PDZRN3: variants seen among roughly 807,000 people sequenced by gnomAD.
PDZRN3 encodes the protein PDZ domain containing ring finger 3, also known as E3 ubiquitin-protein ligase PDZRN3.
In PDZRN3, 38 loss-of-function variants were observed where a neutral mutation model predicts 85.7. That is an observed-to-expected ratio of 0.44 (90% confidence interval 0.34 to 0.58). PDZRN3 has a LOEUF of 0.58. PDZRN3 is among the 20% of genes least tolerant of loss of function. The probability of loss-of-function intolerance (pLI) is 0.01; values close to 1 mark genes in which losing one functional copy is unlikely to be tolerated. For missense variants in PDZRN3, 1,629 were observed against 1,506.4 expected (o/e 1.08, Z -1.35); for synonymous variants, 759 against 638.0 (o/e 1.19, Z -2.86).
chr3:73,383,794 C>G lies in PDZRN3; in HGVS notation c.2772G>C (p.Lys924Asn). Residue 924 changes from lysine to asparagine, a missense_variant, in exon 10 of 10, where the codon AAG becomes AAC. Physicochemically the swap from Lys to Asn is moderately conservative, Grantham distance 94 (BLOSUM62 0). Transcript: ENST00000263666. Reference sequence around the variant, plus strand: ...TGTAGCGCGTCCCGTCGCTGCGGATCTTCACCTTCCACTCCATGCGCGGCT... The same window carrying G: ...TGTAGCGCGTCCCGTCGCTGCGGATGTTCACCTTCCACTCCATGCGCGGCT... ...PSEPRMEWKV[K>N]IRSDGTRYIT... 1.2e-6 allele frequency: 2 copies of G among 1,613,692 alleles called. No individual in the cohort carries two copies. Among genetic ancestry groups the G allele is most frequent in the Non-Finnish European group, 1.7e-6 (2 of 1,180,022 alleles).
chr3:73,598,761 T>A (rs1016336272), intron 3 of PDZRN3, among the ~76,000 whole-genome samples: 1 of 151,922 alleles, frequency 6.6e-6, no homozygotes, highest in African/African-American at 2.4e-5. Flanking sequence ...ATAGGGGACA[T>A]CATGTAGGCA....
chr3:73,421,583 A>G (rs1316482298), intron 3 of PDZRN3, among the ~76,000 whole-genome samples: 1 of 152,220 alleles, frequency 6.6e-6, no homozygotes, highest in East Asian at 1.9e-4. Flanking sequence ...AAACAGGATG[A>G]ACTTCCACTT....
At chr3:73,575,700 C>T (rs1702113013) in intron 3 of PDZRN3, among the ~76,000 whole-genome samples, 1 of 152,176 alleles carries the variant, frequency 6.6e-6, no homozygotes, top group African/African-American at 2.4e-5. Context: ...TGAAGACTGG[C>T]TCTAGTCCCA....
Position 73,384,186 on chromosome 3 carries a change from C to A in PDZRN3, c.2380G>T (p.Ala794Ser), listed in dbSNP as rs150271328. Residue 794 changes from alanine (A) to serine (S), a missense_variant, in exon 10 of 10, where the codon GCT (alanine) becomes TCT (serine). Transcript: ENST00000263666. Reference sequence around the variant, plus strand: ...CCGTAGGCTTCCGTGGTCCCCACAGCCCCTTCGCTGCTCGGGCAGCTGATG... The same window carrying A: ...CCGTAGGCTTCCGTGGTCCCCACAGACCCTTCGCTGCTCGGGCAGCTGATG... ...EGISCPSSEG[A>S]VGTTEAYGPA... 5.1e-5 allele frequency: 83 copies of A among 1,613,912 alleles called. No individual in the cohort carries two copies. The highest frequency in any genetic ancestry group is 6.9e-5 in the Non-Finnish European group (81 of 1,180,054).
At chr3:73,421,716 C>T (rs1032502331) in intron 3 of PDZRN3, among the ~76,000 whole-genome samples, 10 of 152,130 alleles carry the variant, frequency 6.6e-5, no homozygotes, top group Non-Finnish European at 1.2e-4. Context: ...GGCATGATCT[C>T]GGCTCACTGC....
At position 73,624,618 on chromosome 3, in the gene PDZRN3, G is replaced by A. The variant is rs1381287475; in HGVS notation, c.208C>T (p.Pro70Ser). ...LSAKELNHVL[P>S]LKRLILKLDI... ...AGCTTGAGGATAAGGCGCTTGAGCG[G>A]CAGGACGTGGTTGAGCTCTTTGGCC... The change falls in exon 1 of 10, where the codon CCG (proline) becomes TCG (serine). Residue 70 changes from proline to serine, a missense_variant. By Grantham distance (74) the Pro-to-Ser change is moderately conservative. Coordinates refer to ENST00000263666, the MANE Select transcript of PDZRN3 (RefSeq NM_015009.3). The A allele has an allele frequency of 1.3e-6, 2 of 1,557,974 alleles. No homozygotes were observed. The highest frequency in any genetic ancestry group is 1.9e-5 in the Admixed American group (1 of 53,594).
chr3:73,393,536 A>C (rs1311890834), intron 5 of PDZRN3, among the ~76,000 whole-genome samples: 1 of 152,180 alleles, frequency 6.6e-6, no homozygotes, highest in African/African-American at 2.4e-5. Flanking sequence ...CGCGTCGCAG[A>C]TGGGGTGAGT....
chr3:73,592,627 C>T (rs1475150645), intron 3 of PDZRN3, among the ~76,000 whole-genome samples: 1 of 152,200 alleles, frequency 6.6e-6, no homozygotes, highest in Admixed American at 6.5e-5. Flanking sequence ...GAGGTCTCCA[C>T]TGAGCACTGT....
intron 3 of PDZRN3, among the ~76,000 whole-genome samples, chr3:73,578,814 G>A (rs1033694981): frequency 2.0e-5 from 3 of 152,076 alleles, no homozygotes; most frequent in South Asian, 2.1e-4. Context: ...AGCTAATGAA[G>A]TGGAAAGAGT....
At chr3:73,580,853 T>C (rs1428395367) in intron 3 of PDZRN3, among the ~76,000 whole-genome samples, 2 of 152,248 alleles carry the variant, frequency 1.3e-5, no homozygotes, top group Admixed American at 1.3e-4. Flanking sequence ...TTTGTGTTAC[T>C]GCTATTTTCC....
intron 1 of PDZRN3, among the ~76,000 whole-genome samples, chr3:73,613,399 G>T (rs1702713206): frequency 2.0e-5 from 3 of 152,104 alleles, no homozygotes; most frequent in Admixed American, 2.0e-4. Context: ...AACAGATTTT[G>T]GCTCACAACA....
At chr3:73,480,725 T>C (rs1023469960) in intron 3 of PDZRN3, among the ~76,000 whole-genome samples, 2 of 152,218 alleles carry the variant, frequency 1.3e-5, no homozygotes, top group African/African-American at 4.8e-5. Flanking sequence ...TAATTGATTC[T>C]GTATCTCTGG....
At chr3:73,428,824 C>T (rs978273422) in intron 3 of PDZRN3, among the ~76,000 whole-genome samples, 12 of 152,122 alleles carry the variant, frequency 7.9e-5, no homozygotes, top group African/African-American at 2.4e-4. Context: ...AAGTGACTTT[C>T]TCAGCCATAT....
At chr3:73,511,837 A>G (rs1454689724) in intron 3 of PDZRN3, among the ~76,000 whole-genome samples, 2 of 152,306 alleles carry the variant, frequency 1.3e-5, no homozygotes, top group East Asian at 1.9e-4. Flanking sequence ...TTAAATCACA[A>G]CGGCCCATAT....
Position 73,624,868 on chromosome 3 carries a change from C to T in PDZRN3, c.-43G>A. 1.6e-6 allele frequency: 2 copies of T among 1,262,496 alleles called. No homozygotes were observed. 78.2% of individuals were successfully genotyped at this position (1,262,496 alleles called of 1,614,324 possible). A position where few individuals can be genotyped will look rare whatever the true frequency, so the allele number is the denominator to read the frequency against. On this transcript the variant is annotated 5_prime_UTR_variant, in exon 1 of 10. Transcript: ENST00000263666. ...GGGGTCGCCGCCGGGCGGCCGGGCG[C>T]CCCCTCCCTCCCCACGAGGCGGCCC...
At chr3:73,465,382 TAGA>T (rs1703193103) in intron 3 of PDZRN3, among the ~76,000 whole-genome samples, 1 of 152,218 alleles carries the variant, frequency 6.6e-6, no homozygotes, top group South Asian at 2.1e-4. Context: ...TTGCCTTATA[TAGA>T]TGGTGCCAGA....
At chr3:73,400,069 T>C (rs952486302) in intron 5 of PDZRN3, among the ~76,000 whole-genome samples, 4 of 152,206 alleles carry the variant, frequency 2.6e-5, no homozygotes, top group African/African-American at 9.7e-5. Flanking sequence ...CAGTTAGCCA[T>C]GAAATTGGAT....
chr3:73,586,465 T>C (rs751896289), intron 3 of PDZRN3, among the ~76,000 whole-genome samples: 24 of 152,324 alleles, frequency 1.6e-4, no homozygotes, highest in African/African-American at 4.3e-4. Context: ...CATTTACTGA[T>C]TGAATACTCT....
At chr3:73,535,840 T>C (rs563753769) in intron 3 of PDZRN3, among the ~76,000 whole-genome samples, 115 of 152,348 alleles carry the variant, frequency 7.5e-4, no homozygotes, top group African/African-American at 2.7e-3. Context: ...CATGGCATAT[T>C]GCAAAAACAA....
Sources: gnomAD v4.1 joint callset for allele counts (sites outside exome capture counted in the v4.1 genomes callset) on GRCh38, gnomAD v4.1.1 for gene constraint, MANE v1.5 for transcripts, NCBI Gene and HGNC (gene_info 2026-07-23, HGNC 2026-07-21) for gene names.